Variants in ITGA1 observed in about 807,000 individuals in gnomAD.
ITGA1 encodes the protein integrin subunit alpha 1.
Under a neutral mutation model 145.9 loss-of-function variants are expected in ITGA1, and 85 were observed. That is an observed-to-expected ratio of 0.58 (90% CI 0.49 to 0.70). The LOEUF (loss-of-function observed/expected upper bound fraction) is 0.70, where lower values mean the gene tolerates loss of function less well. Among genes scored for constraint, ITGA1 ranks in the 30% least tolerant of loss-of-function variants. The pLI is 0.00. For synonymous variants in ITGA1, 520 were observed against 495.3 expected (o/e 1.05, Z -0.66); for missense variants, 1,351 against 1,418.7 (o/e 0.95, Z 0.77).
intron 2 of ITGA1, among the ~76,000 whole-genome samples, chr5:52,857,752 T>C (rs1354312727): frequency 6.6e-6 from 1 of 152,212 alleles, no homozygotes; most frequent in Admixed American, 6.5e-5. Context: ...GAGGTGGTAA[T>C]ATTTACTTTT....
In ITGA1 at chr5:52,915,423, G is replaced by A. The variant is rs575060114; in HGVS notation, c.1858-41G>A. ...GATTTATTTGAAACTGTTTTGAACAGACTCTTCTCATATGAAACTCTTTTT... is the reference window on the plus strand; with the variant it reads ...GATTTATTTGAAACTGTTTTGAACAAACTCTTCTCATATGAAACTCTTTTT... On this transcript the variant is annotated intron_variant, in intron 14 of 28. Coordinates refer to ENST00000282588, the MANE Select transcript of ITGA1 (RefSeq NM_181501.2). 3 of 1,597,610 alleles carry A rather than the reference G, an allele frequency of 1.9e-6. No homozygotes were observed. In the South Asian group the frequency reaches 3.3e-5, roughly 18 times the overall value.
At chr5:52,826,920 A>C (rs902512782) in intron 1 of ITGA1, among the ~76,000 whole-genome samples, 1 of 152,196 alleles carries the variant, frequency 6.6e-6, no homozygotes, top group African/African-American at 2.4e-5. Flanking sequence ...TACAAGATTC[A>C]TTCTGTACCC....
At chr5:52,862,807 T>C (rs1225743488) in intron 3 of ITGA1, among the ~76,000 whole-genome samples, 1 of 152,248 alleles carries the variant, frequency 6.6e-6, no homozygotes, top group Non-Finnish European at 1.5e-5. Context: ...TATTACATAC[T>C]ATGGAAATTA....
intron 2 of ITGA1, among the ~76,000 whole-genome samples, chr5:52,850,601 A>G (rs1189555692): frequency 6.6e-6 from 1 of 152,164 alleles, no homozygotes; most frequent in East Asian, 1.9e-4. Flanking sequence ...ATTTTGTTTT[A>G]TCTTTTAGAC....
chr5:52,884,446 T>C (rs67715745), intron 7 of ITGA1, among the ~76,000 whole-genome samples: 23,882 of 113,478 alleles, frequency 0.21, 2,074 homozygotes, highest in Admixed American at 0.31. Context: ...AAACTCTGCC[T>C]TAAAAAAAAA....
intron 19 of ITGA1, among the ~76,000 whole-genome samples, chr5:52,925,707 AGG>A (rs1390181289): frequency 6.6e-6 from 1 of 152,198 alleles, no homozygotes; most frequent in Non-Finnish European, 1.5e-5. Flanking sequence ...GTGTGAGAAA[AGG>A]ATAGCTCATG....
intron 1 of ITGA1, among the ~76,000 whole-genome samples, chr5:52,848,256 T>G (rs59192299): frequency 0.28 from 41,848 of 152,022 alleles, 6,065 homozygotes; most frequent in South Asian, 0.39. Flanking sequence ...TCAGCTTGCC[T>G]TTTCCTTTTG....
chr5:52,837,194 G>A (rs943682201), intron 1 of ITGA1, among the ~76,000 whole-genome samples: 2 of 152,168 alleles, frequency 1.3e-5, no homozygotes, highest in African/African-American at 2.4e-5. Flanking sequence ...CTACTGAACC[G>A]TAGAGGAGGC....
intron 6 of ITGA1, among the ~76,000 whole-genome samples, chr5:52,867,709 AATCT>A (rs1749710239): frequency 6.6e-6 from 1 of 152,036 alleles, no homozygotes; most frequent in Non-Finnish European, 1.5e-5. Flanking sequence ...AGCTGGAAAG[AATCT>A]TAAAGGTCAT....
rs1751306305 is a variant in ITGA1, at chr5:52,956,434, CCAGGGGAGATTTTCAAGA to C, written c.*3985_*4002del. 1 of 152,138 alleles carries C rather than the reference CCAGGGGAGATTTTCAAGA, an allele frequency of 6.6e-6. No homozygotes were observed. The highest frequency in any genetic ancestry group is 1.5e-5 in the Non-Finnish European group (1 of 68,042). The allele number at this position is 152,138 out of a possible 1,614,324, so 9.4% of individuals were successfully genotyped here. ...GGCCCCCTTTTGCCAGTTTTCTCCC[CCAGGGGAGATTTTCAAGA>C]CTACTGGAGAAAAATCTGTTAATAA... On this transcript the variant is annotated 3_prime_UTR_variant, in exon 29 of 29. Transcript: ENST00000282588.
At chr5:52,947,508 A>C in intron 28 of ITGA1, 47 bp downstream of exon 28, 1 of 1,044,936 alleles carries the variant, frequency 9.6e-7, no homozygotes, top group Non-Finnish European at 1.5e-6. Flanking sequence ...CATCAACAGC[A>C]AACTGGAGAA....
At chr5:52,943,575 C>T (rs538819064) in intron 26 of ITGA1, among the ~76,000 whole-genome samples, 3 of 152,252 alleles carry the variant, frequency 2.0e-5, no homozygotes, top group African/African-American at 7.2e-5. Context: ...GAGAGGCCTC[C>T]TCCAATCACT....
chr5:52,860,693 C>G (rs967861842), intron 2 of ITGA1, among the ~76,000 whole-genome samples: 1 of 152,238 alleles, frequency 6.6e-6, no homozygotes. Context: ...AATAAATCAG[C>G]AACTGTGGAT....
At chr5:52,929,450 T>A (rs1452777899) in intron 20 of ITGA1, among the ~76,000 whole-genome samples, 175 bp from the exon 21 acceptor site, 6 of 152,154 alleles carry the variant, frequency 3.9e-5, no homozygotes, top group Admixed American at 3.3e-4. Context: ...AAAAAGAATA[T>A]GTATATTATA....
chr5:52,939,935 T>A lies in ITGA1; in HGVS notation c.3276T>A (p.Thr1092=), dbSNP rs1192144985. Residue 1092 remains threonine (T), a synonymous_variant, in exon 26 of 29, where the codon ACT becomes ACA. Coordinates refer to ENST00000282588, the MANE Select transcript of ITGA1 (RefSeq NM_181501.2). Reference sequence around the variant, plus strand: ...TTTCGCTTATCTTGTGGAAACCAACTTTTATAAAAGTAAGTAAATACATAG... The same window carrying A: ...TTTCGCTTATCTTGTGGAAACCAACATTTATAAAAGTAAGTAAATACATAG... ...VNVSLILWKP[T]FIKSYFSSLN... is the part of the protein sequence containing the mutation. 2 of 1,571,186 alleles carry A rather than the reference T, an allele frequency of 1.3e-6. No homozygotes were observed. The highest frequency in any genetic ancestry group is 1.4e-5 in the African/African-American group (1 of 74,030).
intron 1 of ITGA1, among the ~76,000 whole-genome samples, chr5:52,793,720 G>A (rs1023984010): frequency 2.0e-5 from 3 of 151,974 alleles, no homozygotes; most frequent in Non-Finnish European, 4.4e-5. Flanking sequence ...CTCTTCAAGT[G>A]CCAAGTTTAT....
chr5:52,897,556 AAT>A, intron 10 of ITGA1, 28 bp downstream of exon 10: 4 of 1,578,752 alleles, frequency 2.5e-6, no homozygotes, highest in Non-Finnish European at 3.5e-6. Flanking sequence ...TGAAAAATGA[AAT>A]ATATGTTTGC....
chr5:52,805,256 G>A (rs946497780), intron 1 of ITGA1, among the ~76,000 whole-genome samples: 2 of 152,128 alleles, frequency 1.3e-5, no homozygotes, highest in African/African-American at 4.8e-5. Flanking sequence ...TTGACCATTA[G>A]GAGAAACAAT....
At chr5:52,861,324 A>ATG in intron 2 of ITGA1, 123 bp from the exon 3 acceptor site, 1 of 645,230 alleles carries the variant, frequency 1.5e-6, no homozygotes, top group Non-Finnish European at 2.8e-6. Context: ...TTAAATTACT[A>ATG]ATAGCATGAT....
Sources: gnomAD v4.1 joint callset for allele counts (sites outside exome capture counted in the v4.1 genomes callset) on GRCh38, gnomAD v4.1.1 for gene constraint, MANE v1.5 for transcripts, NCBI Gene and HGNC (gene_info 2026-07-23, HGNC 2026-07-21) for gene names.